Variants in PIEZO2 observed in about 807,000 individuals in gnomAD.
The protein encoded by PIEZO2 is piezo-type mechanosensitive ion channel component 2.
In PIEZO2, 172 loss-of-function variants were observed where a neutral mutation model predicts 337.3. The ratio of observed to expected loss-of-function variants is 0.51; its 90% CI spans 0.45 to 0.58. The LOEUF is 0.58. Among genes scored for constraint, PIEZO2 ranks in the 20% least tolerant of loss-of-function variants. The probability of loss-of-function intolerance (pLI) is 0.00; values close to 1 mark genes in which losing one functional copy is unlikely to be tolerated. For synonymous variants in PIEZO2, 1,251 were observed against 1,228.5 expected, an observed-to-expected ratio of 1.02 and a Z score of -0.38; for missense variants, 3,028 against 3,391.3, an observed-to-expected ratio of 0.89 and a Z score of 2.66.
intron 3 of PIEZO2, among the ~76,000 whole-genome samples, chr18:10,928,914 C>T (rs981876017): frequency 3.3e-5 from 5 of 152,212 alleles, no homozygotes; most frequent in Non-Finnish European, 5.9e-5. Flanking sequence ...CAAAGTCAAA[C>T]ATTCCCCTGT....
chr18:11,098,838 C>T (rs1038370652), intron 1 of PIEZO2, among the ~76,000 whole-genome samples: 2 of 151,924 alleles, frequency 1.3e-5, no homozygotes, highest in African/African-American at 4.8e-5. Flanking sequence ...TACTCTGTCA[C>T]CCAGGCTGCA....
At chr18:11,085,313 G>T (rs1006865205) in intron 1 of PIEZO2, among the ~76,000 whole-genome samples, 3 of 152,012 alleles carry the variant, frequency 2.0e-5, no homozygotes, top group African/African-American at 4.8e-5. Flanking sequence ...TTAAAATCTG[G>T]ACAACCCATC....
At chr18:10,930,418 T>C (rs1256348982) in intron 3 of PIEZO2, among the ~76,000 whole-genome samples, 1 of 152,220 alleles carries the variant, frequency 6.6e-6, no homozygotes, top group African/African-American at 2.4e-5. Context: ...AATCTTTAAA[T>C]CCACCTATGA....
At position 11,125,777 on chromosome 18, in the gene PIEZO2, A is replaced by C. The variant is rs888443617; in HGVS notation, c.64+22748T>G. On this transcript the variant is annotated intron_variant, in intron 1 of 55. Coordinates refer to ENST00000674853, the MANE Select transcript of PIEZO2 (RefSeq NM_001378183.1). The surrounding 1 kb of genome is among the most constrained non-coding windows in gnomAD (Gnocchi z 4.4). ...CTCTCTGAGCAGTGCCAATTTTTCCAAAGTGTTTAGAGGTCCCTGCCAGCA... is the reference window on the plus strand; with the variant it reads ...CTCTCTGAGCAGTGCCAATTTTTCCCAAGTGTTTAGAGGTCCCTGCCAGCA... 6.6e-6 allele frequency among the ~76,000 whole-genome samples: 1 copy of C among 152,206 alleles called. No homozygotes were observed. The highest frequency in any genetic ancestry group is 1.9e-4 in the East Asian group (1 of 5,198).
At position 10,726,941 on chromosome 18, in the gene PIEZO2, G is replaced by A; in HGVS notation, c.5029+4466C>T. ...CTGGGTCGCCTGCTGCCCGACTGAT[G>A]TAGGTTGAGGGCTGCAGACAGAGGC... On this transcript the variant is annotated intron_variant, in intron 36 of 55. Coordinates refer to ENST00000674853, the MANE Select transcript of PIEZO2 (RefSeq NM_001378183.1). The surrounding 1 kb of genome is among the most constrained non-coding windows in gnomAD (Gnocchi z 5.9). 1 of 1,501,866 alleles carries A rather than the reference G, an allele frequency of 6.7e-7. No homozygotes were observed. The highest frequency in any genetic ancestry group is 1.3e-5 in the South Asian group (1 of 78,308). The allele number at this position is 1,501,866 out of a possible 1,614,324, so 93.0% of individuals were successfully genotyped here.
At chr18:10,823,640 T>C (rs138923561) in intron 7 of PIEZO2, among the ~76,000 whole-genome samples, 18 of 152,292 alleles carry the variant, frequency 1.2e-4, no homozygotes, top group African/African-American at 4.1e-4. Flanking sequence ...GTTCAAAAAG[T>C]ACAGAGTGTG....
chr18:10,956,462 A>G (rs2033525716), intron 3 of PIEZO2, among the ~76,000 whole-genome samples: 1 of 152,190 alleles, frequency 6.6e-6, no homozygotes, highest in Non-Finnish European at 1.5e-5. Flanking sequence ...ACTCAAAGCC[A>G]TCCACAGATT....
intron 27 of PIEZO2, among the ~76,000 whole-genome samples, chr18:10,755,320 T>TCAC (rs1310206688): frequency 6.6e-6 from 1 of 152,146 alleles, no homozygotes; most frequent in Non-Finnish European, 1.5e-5. Flanking sequence ...CATGAGCTTC[T>TCAC]CACTGCAACC....
At chr18:11,057,046 G>C (rs970492575) in intron 2 of PIEZO2, among the ~76,000 whole-genome samples, 2 of 151,980 alleles carry the variant, frequency 1.3e-5, no homozygotes, top group African/African-American at 4.8e-5. Context: ...TGACTAGCTT[G>C]GGATGTTCAC....
intron 2 of PIEZO2, among the ~76,000 whole-genome samples, chr18:11,064,560 G>A (rs1317985942): frequency 6.6e-6 from 1 of 152,166 alleles, no homozygotes; most frequent in Non-Finnish European, 1.5e-5. Context: ...GTCCCTGATA[G>A]TGTCAGTCCT....
At chr18:10,768,218 T>C (rs1367042052) in intron 21 of PIEZO2, among the ~76,000 whole-genome samples, 2 of 152,212 alleles carry the variant, frequency 1.3e-5, no homozygotes, top group Non-Finnish European at 2.9e-5. Context: ...TTTTAACTAC[T>C]GAAGTGAGAT....
chr18:10,922,743 G>A (rs950203615), intron 3 of PIEZO2, among the ~76,000 whole-genome samples: 4 of 152,138 alleles, frequency 2.6e-5, no homozygotes, highest in African/African-American at 9.7e-5. Context: ...AGCTGTGAGT[G>A]CATGGAGAGG....
rs2039667312 is a variant in PIEZO2 at position 11,109,492 on chromosome 18, G to A, written c.64+39033C>T. On this transcript the variant is annotated intron_variant, in intron 1 of 55. Coordinates refer to ENST00000674853, the MANE Select transcript of PIEZO2 (RefSeq NM_001378183.1). The surrounding 1 kb of genome is among the most constrained non-coding windows in gnomAD (Gnocchi z 5.1). ...GCACTTTGGGAGGCCGAGGTGGGTGGATCACTTGAGGTCAGGGGTTTGAGA... is the reference window on the plus strand; with the variant it reads ...GCACTTTGGGAGGCCGAGGTGGGTGAATCACTTGAGGTCAGGGGTTTGAGA... Among the ~76,000 whole-genome samples, 1 of 152,120 alleles carries A rather than the reference G, an allele frequency of 6.6e-6. No individual in the cohort carries two copies. Among genetic ancestry groups the A allele is most frequent in the Non-Finnish European group, 1.5e-5 (1 of 68,024 alleles).
intron 7 of PIEZO2, among the ~76,000 whole-genome samples, chr18:10,851,202 CAG>C (rs1252887485): frequency 1.5e-5 from 2 of 134,896 alleles, no homozygotes; most frequent in East Asian, 4.5e-4. Context: ...TCTTCCAACT[CAG>C]AGTTTGGGGT....
rs1225002229 is a variant in PIEZO2, at chr18:10,794,822, T to C, written c.1708A>G (p.Lys570Glu). 1 of 1,536,362 alleles carries C rather than the reference T, an allele frequency of 6.5e-7. No homozygotes were observed. The highest frequency in any genetic ancestry group is 8.7e-7 in the Non-Finnish European group (1 of 1,146,660). ...IWSFELPEIK[K>E]VPGFLEKKEP... ...TTCTTTTCTAAAAATCCTGGAACTTTTTTAATTTCAGGAAGTTCAAAACTC... is the reference window on the plus strand; with the variant it reads ...TTCTTTTCTAAAAATCCTGGAACTTCTTTAATTTCAGGAAGTTCAAAACTC... Residue 570 changes from lysine (K) to glutamate (E), a missense_variant, in exon 13 of 56, where the codon AAA becomes GAA. This residue lies in a region of PIEZO2 where 50 missense variants were observed against 88.2 expected (regional missense o/e 0.57). Coordinates refer to ENST00000674853, the MANE Select transcript of PIEZO2 (RefSeq NM_001378183.1). The surrounding 1 kb of genome is among the most constrained non-coding windows in gnomAD (Gnocchi z 6.6).
intron 1 of PIEZO2, among the ~76,000 whole-genome samples, chr18:11,090,435 C>T (rs1375608477): frequency 6.6e-6 from 1 of 152,138 alleles, no homozygotes; most frequent in African/African-American, 2.4e-5. Context: ...GCAGGATGCA[C>T]CAAATTTGAC....
intron 4 of PIEZO2, among the ~76,000 whole-genome samples, chr18:10,906,951 A>C (rs2029996634): frequency 6.6e-6 from 1 of 151,998 alleles, no homozygotes; most frequent in South Asian, 2.1e-4. Context: ...GACAAACGGC[A>C]CTCCCAGAGG....
chr18:10,836,962 C>T (rs988742998), intron 7 of PIEZO2, among the ~76,000 whole-genome samples: 2 of 152,064 alleles, frequency 1.3e-5, no homozygotes, highest in Non-Finnish European at 1.5e-5. Context: ...GTAATATGAT[C>T]AAAGGAAGGG....
At chr18:10,881,334 T>A (rs1357489444) in intron 4 of PIEZO2, among the ~76,000 whole-genome samples, 2 of 152,234 alleles carry the variant, frequency 1.3e-5, no homozygotes, top group Non-Finnish European at 1.5e-5. Context: ...TGAGAGTTGC[T>A]AATTTCCATT....
Sources: gnomAD v4.1 joint callset for allele counts (sites outside exome capture counted in the v4.1 genomes callset) on GRCh38, gnomAD v4.1.1 for gene constraint, gnomAD v4.1.1 regional missense constraint, Gnocchi (gnomAD v3.1) non-coding constraint, MANE v1.5 for transcripts, NCBI Gene and HGNC (gene_info 2026-07-23, HGNC 2026-07-21) for gene names.